Variants in NTNG1 observed in about 807,000 individuals in gnomAD.
The protein encoded by NTNG1 is netrin-G1.
A neutral mutation model predicts 54.0 loss-of-function variants in NTNG1; 16 were observed. The observed-to-expected ratio is 0.30, with a 90% confidence interval of 0.20 to 0.45. The LOEUF is 0.45. NTNG1 is among the 20% of genes least tolerant of loss of function. The probability of loss-of-function intolerance (pLI) is 1.00; values close to 1 mark genes in which losing one functional copy is unlikely to be tolerated. For missense variants in NTNG1, 530 were observed against 678.7 expected (o/e 0.78, Z 2.43); for synonymous variants, 255 against 263.1 (o/e 0.97, Z 0.30).
At position 107,226,914 on chromosome 1, in the gene NTNG1, C is replaced by T. The variant is rs116065533; in HGVS notation, c.246+78075C>T. On this transcript the variant is annotated intron_variant, in intron 2 of 7. Coordinates refer to ENST00000370068, the MANE Select transcript of NTNG1 (RefSeq NM_001113226.3). ...AACAGCATTTGGAATCTTAAGGATA[C>T]TGCTTGGTGCAGCAACTGAGCAGCA... 9.4e-3 allele frequency among the ~76,000 whole-genome samples: 1,437 copies of T among 152,204 alleles called. 14 individuals are homozygous for T. Among genetic ancestry groups the T allele is most frequent in the Middle Eastern group, 0.017 (5 of 294 alleles).
intron 2 of NTNG1, among the ~76,000 whole-genome samples, chr1:107,189,536 C>A (rs1657746368): frequency 6.6e-6 from 1 of 150,916 alleles, no homozygotes; most frequent in Admixed American, 6.6e-5. Context: ...AAGTATCTTT[C>A]ATAGTTTGCC....
intron 2 of NTNG1, among the ~76,000 whole-genome samples, chr1:107,178,881 C>A (rs1366156199): frequency 1.3e-5 from 2 of 152,204 alleles, no homozygotes; most frequent in Admixed American, 6.5e-5. Flanking sequence ...CCCACATGAT[C>A]TAGACTGAAG....
In NTNG1 at chr1:107,327,259, T is replaced by C. The variant is rs72699373; in HGVS notation, c.887+2337T>C. On this transcript the variant is annotated intron_variant, in intron 3 of 7. Coordinates refer to ENST00000370068, the MANE Select transcript of NTNG1 (RefSeq NM_001113226.3). Reference sequence around the variant, plus strand: ...AGGCACCAGATGGCTGGAGTATTTTTAGTCTTAGGGGAGGGACTAAAGAAG... The same window carrying C: ...AGGCACCAGATGGCTGGAGTATTTTCAGTCTTAGGGGAGGGACTAAAGAAG... Among the ~76,000 whole-genome samples the C allele has an allele frequency of 6.8e-4, 103 of 152,214 alleles. 1 individual carries two copies. Among genetic ancestry groups the C allele is most frequent in the Non-Finnish European group, 1.4e-3 (93 of 67,998 alleles).
chr1:107,354,468 C>CAAA (rs398049560), intron 3 of NTNG1, among the ~76,000 whole-genome samples: 16 of 66,118 alleles, frequency 2.4e-4, no homozygotes, highest in East Asian at 9.4e-4. Flanking sequence ...GACTCCATCT[C>CAAA]AAAAAAAAAA....
intron 7 of NTNG1, 28 bp from the exon 8 acceptor site, chr1:107,480,583 C>CCCCCCCCCCAAA: frequency 2.7e-6 from 2 of 744,748 alleles, no homozygotes. Flanking sequence ...CGCGCCCACC[C>CCCCCCCCCCAAA]ACCCCTACCT....
intron 1 of NTNG1, among the ~76,000 whole-genome samples, chr1:107,146,696 G>C (rs1389986828): frequency 6.6e-6 from 1 of 151,952 alleles, no homozygotes; most frequent in Non-Finnish European, 1.5e-5. Context: ...ACAAATTGCA[G>C]CTGTATGATA....
chr1:107,463,047 T>C (rs982344727), intron 7 of NTNG1, among the ~76,000 whole-genome samples: 2 of 152,212 alleles, frequency 1.3e-5, no homozygotes, highest in African/African-American at 4.8e-5. Flanking sequence ...GGCTGCACTA[T>C]CAAACAAACC....
intron 4 of NTNG1, among the ~76,000 whole-genome samples, chr1:107,403,908 A>G (rs1010964610): frequency 6.6e-6 from 1 of 151,774 alleles, no homozygotes; most frequent in African/African-American, 2.4e-5. Flanking sequence ...TTCAGCTTTC[A>G]TTTGTTATCA....
chr1:107,308,851 G>T (rs1666841981), intron 2 of NTNG1, among the ~76,000 whole-genome samples: 1 of 151,956 alleles, frequency 6.6e-6, no homozygotes, highest in South Asian at 2.1e-4. Flanking sequence ...TCACCTCTCT[G>T]GTTAGCTGTA....
At chr1:107,420,805 G>T (rs1232779355) in intron 5 of NTNG1, among the ~76,000 whole-genome samples, 2 of 151,978 alleles carry the variant, frequency 1.3e-5, no homozygotes, top group African/African-American at 4.8e-5. Context: ...TATCCATATT[G>T]TTATGGTAAC....
intron 2 of NTNG1, among the ~76,000 whole-genome samples, chr1:107,301,019 C>T (rs891433443): frequency 5.3e-5 from 8 of 151,764 alleles, no homozygotes; most frequent in African/African-American, 1.9e-4. Flanking sequence ...GACTTTTTGA[C>T]ATCAGTACTT....
At chr1:107,176,574 G>T (rs1195693670) in intron 2 of NTNG1, among the ~76,000 whole-genome samples, 1 of 152,140 alleles carries the variant, frequency 6.6e-6, no homozygotes, top group East Asian at 1.9e-4. Flanking sequence ...AGGCTTAAGG[G>T]TGCTGTGATA....
Position 107,324,342 on chromosome 1 carries a change from C to G in NTNG1, c.307C>G (p.Pro103Ala). Residue 103 changes from proline (P) to alanine (A), a missense_variant, in exon 3 of 8, where the codon CCT (proline) becomes GCT (alanine). Pro to Ala is a conservative substitution (Grantham distance 27). Around this residue, in one of 2 missense-constraint regions of NTNG1, gnomAD observed 318 missense variants for 465.1 expected, o/e 0.68. Transcript: ENST00000370068. ...GAGTACCCCTGAGCTGGCACACCCC[C>G]CTGAGCTGATGTTTGATTTTGAAGG... ...DASTPELAHP[P>A]ELMFDFEGRH... The G allele has an allele frequency of 6.2e-7, 1 of 1,613,692 alleles. No homozygotes were observed. Among genetic ancestry groups the G allele is most frequent in the South Asian group, 1.1e-5 (1 of 91,078 alleles).
chr1:107,220,720 G>A (rs565194232), intron 2 of NTNG1, among the ~76,000 whole-genome samples: 6 of 152,292 alleles, frequency 3.9e-5, no homozygotes, highest in Admixed American at 2.0e-4. Flanking sequence ...AACAGTGTTT[G>A]ACATAAGATA....
chr1:107,366,881 A>C (rs1670622125), intron 3 of NTNG1, among the ~76,000 whole-genome samples: 1 of 152,234 alleles, frequency 6.6e-6, no homozygotes, highest in African/African-American at 2.4e-5. Flanking sequence ...TGGTCATTTA[A>C]AATCCTATTT....
At chr1:107,351,625 G>T (rs1393490632) in intron 3 of NTNG1, among the ~76,000 whole-genome samples, 1 of 152,062 alleles carries the variant, frequency 6.6e-6, no homozygotes, top group Non-Finnish European at 1.5e-5. Flanking sequence ...TGAGATTTGG[G>T]CAGGGACACA....
chr1:107,169,480 C>G (rs1259673866), intron 2 of NTNG1, among the ~76,000 whole-genome samples: 1 of 152,018 alleles, frequency 6.6e-6, no homozygotes, highest in Non-Finnish European at 1.5e-5. Flanking sequence ...CCTTAGAGCT[C>G]TCCTTCATAT....
chr1:107,369,885 A>G (rs2100987057), intron 3 of NTNG1, among the ~76,000 whole-genome samples: 1 of 152,196 alleles, frequency 6.6e-6, no homozygotes, highest in Admixed American at 6.5e-5. Flanking sequence ...TAAGCCTATG[A>G]TCAGTTTTGA....
At chr1:107,315,868 A>G (rs1667307666) in intron 2 of NTNG1, among the ~76,000 whole-genome samples, 1 of 152,198 alleles carries the variant, frequency 6.6e-6, no homozygotes, top group African/African-American at 2.4e-5. Context: ...GTCATATCCA[A>G]TAACTATTTA....
Sources: allele counts gnomAD v4.1 joint callset (sites outside exome capture counted in the v4.1 genomes callset), GRCh38; gene constraint gnomAD v4.1.1; regional missense constraint gnomAD v4.1.1; transcripts MANE v1.5; gene names NCBI Gene and HGNC (gene_info 2026-07-23, HGNC 2026-07-21).